Variants in MEGF9 observed in about 807,000 individuals in gnomAD.
MEGF9 encodes the protein multiple EGF like domains 9, also known as multiple epidermal growth factor-like domains protein 9.
In MEGF9, 6 loss-of-function variants were observed where a neutral mutation model predicts 46.8. That is an observed-to-expected ratio of 0.13 (90% CI 0.07 to 0.25). MEGF9 has a LOEUF of 0.25. Among genes scored for constraint, MEGF9 ranks in the 10% least tolerant of loss-of-function variants. The pLI is 1.00. For missense variants in MEGF9, 683 were observed against 792.4 expected, an observed-to-expected ratio of 0.86 and a Z score of 1.66; for synonymous variants, 302 against 330.7, an observed-to-expected ratio of 0.91 and a Z score of 0.94.
chr9:120,712,008 G>C (rs1008773018), intron 1 of MEGF9, among the ~76,000 whole-genome samples: 3 of 152,150 alleles, frequency 2.0e-5, no homozygotes, highest in Admixed American at 1.3e-4. Context: ...TGAAATCCTA[G>C]AACTTTGGGA....
intron 1 of MEGF9, among the ~76,000 whole-genome samples, chr9:120,712,301 A>T (rs750943606): frequency 4.7e-4 from 71 of 152,206 alleles, no homozygotes; most frequent in Admixed American, 8.5e-4. Flanking sequence ...CAGCAACCTT[A>T]TGAGTTAAGT....
At chr9:120,633,300 TC>T (rs1240077080) in intron 2 of MEGF9, among the ~76,000 whole-genome samples, 1 of 152,186 alleles carries the variant, frequency 6.6e-6, no homozygotes, top group African/African-American at 2.4e-5. Flanking sequence ...TTCCATTTCT[TC>T]CTGATTCAGT....
intron 2 of MEGF9, among the ~76,000 whole-genome samples, chr9:120,637,173 T>C (rs540291741): frequency 6.6e-6 from 1 of 152,236 alleles, no homozygotes; most frequent in South Asian, 2.1e-4. Flanking sequence ...CAGGGTTAAA[T>C]GGATTAAGGG....
chr9:120,700,266 T>A (rs1373834494), intron 1 of MEGF9, among the ~76,000 whole-genome samples: 1 of 152,200 alleles, frequency 6.6e-6, no homozygotes, highest in Non-Finnish European at 1.5e-5. Flanking sequence ...ATTCTACTGA[T>A]TAGCTGGACC....
chr9:120,626,348 T>C (rs1194630758), intron 2 of MEGF9, among the ~76,000 whole-genome samples: 1 of 152,216 alleles, frequency 6.6e-6, no homozygotes, highest in African/African-American at 2.4e-5. Context: ...TCTTAAATTA[T>C]CCCAAAAGGG....
At chr9:120,668,077 G>C (rs2043733197) in intron 1 of MEGF9, among the ~76,000 whole-genome samples, 1 of 152,166 alleles carries the variant, frequency 6.6e-6, no homozygotes, top group East Asian at 1.9e-4. Context: ...CTTGACTACA[G>C]GCCTGATTTC....
chr9:120,622,463 A>G (rs2043504391), intron 3 of MEGF9, among the ~76,000 whole-genome samples, 153 bp downstream of exon 3: 1 of 100,492 alleles, frequency 1.0e-5, no homozygotes, highest in Non-Finnish European at 2.1e-5. Flanking sequence ...AGTTTGTTGT[A>G]GCAGGAGTTT....
intron 2 of MEGF9, among the ~76,000 whole-genome samples, chr9:120,655,543 T>C (rs985366729): frequency 6.6e-6 from 1 of 152,152 alleles, no homozygotes; most frequent in Non-Finnish European, 1.5e-5. Flanking sequence ...ATATTATAGG[T>C]CTCTTCCACC....
intron 2 of MEGF9, among the ~76,000 whole-genome samples, chr9:120,630,739 T>G (rs1033121783): frequency 1.3e-5 from 2 of 152,246 alleles, no homozygotes; most frequent in Non-Finnish European, 2.9e-5. Flanking sequence ...GTAGTTTTGA[T>G]TTGTACTTCT....
intron 2 of MEGF9, among the ~76,000 whole-genome samples, chr9:120,636,372 T>G (rs1226561350): frequency 6.6e-6 from 1 of 152,212 alleles, no homozygotes; most frequent in Non-Finnish European, 1.5e-5. Flanking sequence ...TTCATGAAGA[T>G]TCTTCATCTT....
chr9:120,628,805 A>G (rs916602698), intron 2 of MEGF9, among the ~76,000 whole-genome samples: 11 of 152,162 alleles, frequency 7.2e-5, no homozygotes, highest in African/African-American at 2.2e-4. Context: ...GCAGTTTGCT[A>G]TGCAAATATC....
chr9:120,610,027 C>T (rs1009095854), intron 4 of MEGF9, among the ~76,000 whole-genome samples: 1 of 152,230 alleles, frequency 6.6e-6, no homozygotes, highest in Middle Eastern at 3.4e-3. Context: ...TAACTTACCA[C>T]TTACAATCCT....
chr9:120,684,001 T>G (rs2043810408), intron 1 of MEGF9, among the ~76,000 whole-genome samples: 1 of 152,064 alleles, frequency 6.6e-6, no homozygotes, highest in South Asian at 2.1e-4. Context: ...ACCTATAAGA[T>G]AGTTACAACC....
At chr9:120,688,329 A>G (rs540977202) in intron 1 of MEGF9, among the ~76,000 whole-genome samples, 1 of 152,190 alleles carries the variant, frequency 6.6e-6, no homozygotes, top group Admixed American at 6.5e-5. Context: ...GACTAACTGT[A>G]AAGTCTGCAA....
rs1170322238 is a variant in MEGF9, at chr9:120,628,468, G to GTTTTTTTT, written c.804-5721_804-5714dup. 5.9e-4 allele frequency among the ~76,000 whole-genome samples: 41 copies of GTTTTTTTT among 69,060 alleles called. 9 individuals carry two copies. Among genetic ancestry groups the GTTTTTTTT allele is most frequent in the East Asian group, 1.8e-3 (4 of 2,194 alleles). 45.3% of individuals were successfully genotyped at this position (69,060 alleles called of 152,430 possible). On this transcript the variant is annotated intron_variant, in intron 2 of 5. Coordinates refer to ENST00000373930, the MANE Select transcript of MEGF9 (RefSeq NM_001080497.3). ...TATTCAGACAGAAATTCTTGTCGTT[G>GTTTTTTTT]TTTTTTTTTTTTTTTTTTTTTTTTT...
intron 5 of MEGF9, among the ~76,000 whole-genome samples, chr9:120,607,275 ATAT>A (rs780996400): frequency 2.6e-5 from 4 of 152,206 alleles, no homozygotes; most frequent in Non-Finnish European, 4.4e-5. Context: ...TTCAAAAGGA[ATAT>A]TATTATTTCC....
intron 4 of MEGF9, among the ~76,000 whole-genome samples, chr9:120,611,901 GAA>G (rs1213608111): frequency 6.6e-6 from 1 of 151,762 alleles, no homozygotes; most frequent in African/African-American, 2.4e-5. Flanking sequence ...AAGAAAGAAA[GAA>G]AGGAAAAAAT....
intron 1 of MEGF9, among the ~76,000 whole-genome samples, chr9:120,663,443 A>T (rs2043711407): frequency 6.6e-6 from 1 of 152,262 alleles, no homozygotes; most frequent in Admixed American, 6.5e-5. Context: ...ATAGGAGTTA[A>T]TGCAGAAATA....
rs371810666 is a variant in MEGF9 at position 120,651,845 on chromosome 9, GT to G, written c.803+7528del. 3.6e-3 allele frequency among the ~76,000 whole-genome samples: 547 copies of G among 151,416 alleles called. 6 individuals are homozygous for G. The highest frequency in any genetic ancestry group is 0.012 in the African/African-American group (515 of 41,290). On this transcript the variant is annotated intron_variant, in intron 2 of 5. Coordinates refer to ENST00000373930, the MANE Select transcript of MEGF9 (RefSeq NM_001080497.3). ...TTTTTGTATTTTTAGTAGAGATGGGGTTTCACCATGTTGGTCAGGCTGGTCT... is the reference window on the plus strand; with the variant it reads ...TTTTTGTATTTTTAGTAGAGATGGGGTTCACCATGTTGGTCAGGCTGGTCT...
Sources: gnomAD v4.1 joint callset for allele counts (sites outside exome capture counted in the v4.1 genomes callset) on GRCh38, gnomAD v4.1.1 for gene constraint, MANE v1.5 for transcripts, NCBI Gene and HGNC (gene_info 2026-07-23, HGNC 2026-07-21) for gene names.